Variants in MIGA1 observed in about 807,000 individuals in gnomAD.
The protein encoded by MIGA1 is mitoguardin 1, also known as family with sequence similarity 73, member A.
In MIGA1, 58 loss-of-function variants were observed where a neutral mutation model predicts 82.0. The observed-to-expected ratio is 0.71, with a 90% CI of 0.57 to 0.88. The LOEUF is 0.88. Ranked by LOEUF, MIGA1 falls within the 40% of genes least tolerant of loss-of-function variation. MIGA1 has a pLI of 0.00. For synonymous variants in MIGA1, 249 were observed against 253.6 expected (o/e 0.98, Z 0.17); for missense variants, 751 against 749.1 (o/e 1.00, Z -0.03).
At chr1:77,827,889 A>T (rs1684093076) in intron 7 of MIGA1, among the ~76,000 whole-genome samples, 1 of 151,892 alleles carries the variant, frequency 6.6e-6, no homozygotes, top group Non-Finnish European at 1.5e-5. Context: ...TATATGAAAT[A>T]TGAAGGTGGG....
chr1:77,809,580 A>G (rs1450721276), intron 5 of MIGA1, among the ~76,000 whole-genome samples: 1 of 152,068 alleles, frequency 6.6e-6, no homozygotes, highest in Non-Finnish European at 1.5e-5. Flanking sequence ...AAAAAAAGAG[A>G]CCAAAAAAAA....
intron 5 of MIGA1, among the ~76,000 whole-genome samples, chr1:77,812,197 G>A (rs1038105225): frequency 6.6e-6 from 1 of 152,090 alleles, no homozygotes; most frequent in African/African-American, 2.4e-5. Context: ...GGCTGGGTGT[G>A]GTGGCTCACG....
At chr1:77,854,557 A>G (rs778606024) in intron 8 of MIGA1, among the ~76,000 whole-genome samples, 6 of 152,270 alleles carry the variant, frequency 3.9e-5, no homozygotes, top group South Asian at 2.1e-4. Context: ...ATCCACACCA[A>G]CATCTACTGT....
intron 14 of MIGA1, among the ~76,000 whole-genome samples, chr1:77,869,068 TC>T (rs1481852099): frequency 6.6e-6 from 1 of 151,818 alleles, no homozygotes; most frequent in Non-Finnish European, 1.5e-5. Context: ...TCTCTGGTTT[TC>T]CTAGGCAGAG....
chr1:77,801,651 T>A lies in MIGA1; in HGVS notation c.373+143T>A, dbSNP rs909218146. The A allele has an allele frequency of 5.9e-6, 4 of 679,110 alleles. No homozygotes were observed. In the African/African-American group the frequency reaches 7.6e-5, roughly 13 times the overall value. 42.1% of individuals were successfully genotyped at this position (679,110 alleles called of 1,614,324 possible). A position where few individuals can be genotyped will look rare whatever the true frequency, so the allele number is the denominator to read the frequency against. On this transcript the variant is annotated intron_variant, in intron 3 of 15. Transcript: ENST00000370791. The stretch of plus-strand genomic sequence containing the variant: ...TAGTACAGATTTATTTTAGAAAGAT[T>A]AGAAAATGTAGATAAGCAAACAAAA...
chr1:77,795,978 G>A (rs898627056), intron 2 of MIGA1, among the ~76,000 whole-genome samples: 16 of 151,848 alleles, frequency 1.1e-4, no homozygotes, highest in African/African-American at 3.6e-4. Flanking sequence ...CATTTGTGAC[G>A]TGTTTATTCA....
chr1:77,827,596 C>T (rs1051385393), intron 7 of MIGA1, among the ~76,000 whole-genome samples: 3 of 152,204 alleles, frequency 2.0e-5, no homozygotes, highest in Non-Finnish European at 2.9e-5. Flanking sequence ...TCTGCCAACA[C>T]TTTGTCCAGC....
chr1:77,859,408 A>T (rs747162428), intron 10 of MIGA1, 22 bp downstream of exon 10: 5 of 1,576,112 alleles, frequency 3.2e-6, no homozygotes, highest in Non-Finnish European at 4.4e-6. Context: ...ACATTAAGTG[A>T]CTTCACCCAG....
In MIGA1 at chr1:77,860,144, G is replaced by A; in HGVS notation, c.1275+18G>A. 6.4e-7 allele frequency: 1 copy of A among 1,569,698 alleles called. No individual in the cohort carries two copies. The highest frequency in any genetic ancestry group is 8.7e-7 in the Non-Finnish European group (1 of 1,147,716). On this transcript the variant is annotated intron_variant, in intron 11 of 15. Transcript: ENST00000370791. ...CACGAAAGGTAAACTTGTTCTGTTG[G>A]CAAGATTTTTACCATTTACAAAAGT...
intron 14 of MIGA1, among the ~76,000 whole-genome samples, chr1:77,871,879 A>C (rs1314930823): frequency 6.6e-6 from 1 of 152,184 alleles, no homozygotes; most frequent in African/African-American, 2.4e-5. Flanking sequence ...AAATAGCTAA[A>C]ACTTTGATAG....
chr1:77,783,989 A>G (rs1682036002), intron 2 of MIGA1, among the ~76,000 whole-genome samples: 1 of 152,178 alleles, frequency 6.6e-6, no homozygotes, highest in Non-Finnish European at 1.5e-5. Flanking sequence ...ATATGTCAGC[A>G]TTTCCTTTCT....
intron 7 of MIGA1, among the ~76,000 whole-genome samples, chr1:77,817,516 G>A (rs1162383254): frequency 6.6e-6 from 1 of 152,150 alleles, no homozygotes; most frequent in African/African-American, 2.4e-5. Flanking sequence ...CGTCCAGTTC[G>A]TTGGCCTCCT....
intron 7 of MIGA1, among the ~76,000 whole-genome samples, chr1:77,836,084 C>T (rs768009514): frequency 5.3e-5 from 8 of 151,888 alleles, no homozygotes; most frequent in African/African-American, 9.7e-5. Context: ...GTCCTGGGGA[C>T]GGTCCATTTA....
chr1:77,802,710 C>G (rs373213284), intron 3 of MIGA1, among the ~76,000 whole-genome samples: 1 of 151,504 alleles, frequency 6.6e-6, no homozygotes, highest in South Asian at 2.1e-4. Context: ...TGACCCAGGA[C>G]GTCAGTGCTG....
At chr1:77,857,762 C>T (rs1272757725) in intron 8 of MIGA1, among the ~76,000 whole-genome samples, 1 of 122,382 alleles carries the variant, frequency 8.2e-6, no homozygotes, top group Non-Finnish European at 1.7e-5. Context: ...GGCTACTCTA[C>T]AGTGTTTGCA....
chr1:77,865,660 C>A (rs1374910303), intron 13 of MIGA1, among the ~76,000 whole-genome samples: 1 of 152,118 alleles, frequency 6.6e-6, no homozygotes, highest in African/African-American at 2.4e-5. Context: ...TATGTGAATT[C>A]TATATACACA....
intron 15 of MIGA1, 78 bp from the exon 16 acceptor site, chr1:77,874,768 G>T: frequency 1.0e-6 from 1 of 981,860 alleles, no homozygotes; most frequent in Non-Finnish European, 1.6e-6. Context: ...CTGATTCAGT[G>T]CTCATTATAA....
chr1:77,871,125 G>GGGGGAGGAGGGA (rs149246341), intron 14 of MIGA1, among the ~76,000 whole-genome samples: 1 of 74,212 alleles, frequency 1.3e-5, no homozygotes, highest in African/African-American at 5.2e-5. Context: ...GAGAGGGAGA[G>GGGGGAGGAGGGA]GAGGGAGAGG....
rs989118274 is a variant in MIGA1, at chr1:77,878,453, A to G, written c.*3389A>G. The G allele has an allele frequency of 6.4e-6, 1 of 155,836 alleles. No homozygotes were observed. Among genetic ancestry groups the G allele is most frequent in the African/African-American group, 2.4e-5 (1 of 41,000 alleles). The allele number at this position is 155,836 out of a possible 1,614,324, so 9.7% of individuals were successfully genotyped here. A position where few individuals can be genotyped will look rare whatever the true frequency, so the allele number is the denominator to read the frequency against. ...TGTAACGGTTTCCATTTGCCTTAAA[A>G]TTGGGTTAAATAGCAAAAGCAATGT... On this transcript the variant is annotated 3_prime_UTR_variant, in exon 16 of 16. Transcript: ENST00000370791.
Sources: allele counts gnomAD v4.1 joint callset (sites outside exome capture counted in the v4.1 genomes callset), GRCh38; gene constraint gnomAD v4.1.1; transcripts MANE v1.5; gene names NCBI Gene and HGNC (gene_info 2026-07-23, HGNC 2026-07-21).